The following MATN3 variants were observed in gnomAD, a reference collection of about 807,000 sequenced individuals.
MATN3 encodes the protein matrilin-3.
Under a neutral mutation model 45.3 loss-of-function variants are expected in MATN3, and 48 were observed. That is an observed-to-expected ratio of 1.06 (90% CI 0.84 to 1.35). The LOEUF (loss-of-function observed/expected upper bound fraction) is 1.35. Among genes scored for constraint, MATN3 ranks in the 40% most tolerant of loss-of-function variants. The pLI is 0.00. For missense variants in MATN3, 599 were observed against 628.0 expected (o/e 0.95, Z 0.49); for synonymous variants, 217 against 245.9 (o/e 0.88, Z 1.10).
chr2:20,006,862 C>A (rs1673116770), intron 1 of MATN3, among the ~76,000 whole-genome samples: 1 of 152,176 alleles, frequency 6.6e-6, no homozygotes, highest in South Asian at 2.1e-4. Flanking sequence ...TCCCTGAATT[C>A]TCCCTCCATC....
chr2:20,000,014 T>C (rs994747817), intron 5 of MATN3, among the ~76,000 whole-genome samples: 1 of 152,216 alleles, frequency 6.6e-6, no homozygotes, highest in Admixed American at 6.5e-5. Context: ...TCTTCTTTAC[T>C]AAAATCATCC....
At chr2:20,001,871 C>G in intron 4 of MATN3, 84 bp downstream of exon 4, 1 of 1,346,568 alleles carries the variant, frequency 7.4e-7, no homozygotes, top group Non-Finnish European at 1.0e-6. Context: ...CACCAACTTC[C>G]CAGTCAATGT....
At chr2:20,000,395 C>A in intron 5 of MATN3, 46 bp downstream of exon 5, 1 of 1,561,716 alleles carries the variant, frequency 6.4e-7, no homozygotes, top group South Asian at 1.2e-5. Context: ...AAGTTGGTTT[C>A]ATGTGAAAGA....
At position 20,003,147 on chromosome 2, in the gene MATN3, T is replaced by A. The variant is rs775554866; in HGVS notation, c.916+14A>T. 6.2e-7 allele frequency: 1 copy of A among 1,613,552 alleles called. No homozygotes were observed. Among genetic ancestry groups the A allele is most frequent in the Non-Finnish European group, 8.5e-7 (1 of 1,179,654 alleles). On this transcript the variant is annotated intron_variant, in intron 3 of 7. Transcript: ENST00000407540. Reference sequence around the variant, plus strand: ...AGTATTTGATTCAGTCACGGCCCCCTACACAGGCCTCACCTGAACACGTTT... The same window carrying A: ...AGTATTTGATTCAGTCACGGCCCCCAACACAGGCCTCACCTGAACACGTTT...
At chr2:20,002,693 G>A (rs1393303745) in intron 3 of MATN3, among the ~76,000 whole-genome samples, 1 of 152,000 alleles carries the variant, frequency 6.6e-6, no homozygotes, top group Non-Finnish European at 1.5e-5. Flanking sequence ...TCGACCTCCT[G>A]GTCTCAAACA....
intron 1 of MATN3, among the ~76,000 whole-genome samples, chr2:20,011,137 A>T (rs572137372): frequency 6.6e-6 from 1 of 152,254 alleles, no homozygotes; most frequent in Non-Finnish European, 1.5e-5. Context: ...GGAATCTCGC[A>T]TTTATTAATG....
Position 19,992,998 on chromosome 2 carries a change from C to T in MATN3, c.*113G>A. 2 of 819,892 alleles carry T rather than the reference C, an allele frequency of 2.4e-6. No individual in the cohort carries two copies. The highest frequency in any genetic ancestry group is 1.5e-5 in the South Asian group (1 of 68,136). The allele number at this position is 819,892 out of a possible 1,614,324, so 50.8% of individuals were successfully genotyped here. On this transcript the variant is annotated 3_prime_UTR_variant, in exon 8 of 8. Transcript: ENST00000407540. ...ATCCAGTAATATTCAAGCATTAATA[C>T]AGATAATGGCAAATTATTAGCAGGA...
At chr2:19,998,775 A>AATATATAT (rs1553326852) in intron 5 of MATN3, among the ~76,000 whole-genome samples, 1 of 150,914 alleles carries the variant, frequency 6.6e-6, no homozygotes, top group Non-Finnish European at 1.5e-5. Flanking sequence ...AAGAAAAAAA[A>AATATATAT]ATATATATAT....
chr2:19,993,073 C>T lies in MATN3; in HGVS notation c.*38G>A, dbSNP rs1172392885. On this transcript the variant is annotated 3_prime_UTR_variant, in exon 8 of 8. Coordinates refer to ENST00000407540, the MANE Select transcript of MATN3 (RefSeq NM_002381.5). ...AAGAATGCATGAGTATTAAGTACAC[C>T]AAGCTGTCCACATTTTCAGGTGAGA... 2 of 1,551,176 alleles carry T rather than the reference C, an allele frequency of 1.3e-6. No homozygotes were observed. Among genetic ancestry groups the T allele is most frequent in the Admixed American group, 1.7e-5 (1 of 59,800 alleles).
chr2:20,011,510 T>A (rs1207923517), intron 1 of MATN3, among the ~76,000 whole-genome samples: 2 of 152,236 alleles, frequency 1.3e-5, no homozygotes, highest in Non-Finnish European at 2.9e-5. Context: ...GATAGACAAT[T>A]GAAATCAGCC....
chr2:20,011,467 CCTT>C (rs1164762265), intron 1 of MATN3, among the ~76,000 whole-genome samples: 1 of 152,208 alleles, frequency 6.6e-6, no homozygotes, highest in African/African-American at 2.4e-5. Flanking sequence ...CCCTTGAGCT[CCTT>C]CTCAGCTTAT....
At position 19,994,565 on chromosome 2, in the gene MATN3, G is replaced by A. The variant is rs766245339; in HGVS notation, c.1295-156C>T. ...GGGATAGATGAACAAACAAAAAGAC[G>A]AGAAAATACTTATCACAGAAAAATT... On this transcript the variant is annotated intron_variant, in intron 6 of 7. Transcript: ENST00000407540. 2.9e-4 allele frequency among the ~76,000 whole-genome samples: 44 copies of A among 152,164 alleles called. 1 individual carries two copies. The highest frequency in any genetic ancestry group is 1.1e-3 in the African/African-American group (44 of 41,430).
At chr2:20,010,702 C>T (rs907510589) in intron 1 of MATN3, among the ~76,000 whole-genome samples, 4 of 152,196 alleles carry the variant, frequency 2.6e-5, no homozygotes, top group Non-Finnish European at 5.9e-5. Context: ...CTAGAGCCTC[C>T]CAAAAGGAAC....
In MATN3 at chr2:20,012,483, C is replaced by A; in HGVS notation, c.149G>T (p.Arg50Leu). Residue 50 changes from arginine (R) to leucine (L), a missense_variant, in exon 1 of 8, where the codon CGC becomes CTC. Transcript: ENST00000407540. The surrounding 1 kb of genome is among the most constrained non-coding windows in gnomAD (Gnocchi z 4.3). ...GTCGGGAGCCGCAGGAGAGGGGCGG[C>A]GTCCAGGGCTGCCCCCGGGACCTCG... The part of the protein sequence containing the change: ...ETRGPGGSPG[R>L]RPSPAAPDGA... 8.1e-7 allele frequency: 1 copy of A among 1,228,624 alleles called. No individual in the cohort carries two copies. The highest frequency in any genetic ancestry group is 1.0e-6 in the Non-Finnish European group (1 of 985,942). 76.1% of individuals were successfully genotyped at this position (1,228,624 alleles called of 1,614,324 possible).
chr2:20,012,660 G>C lies in MATN3; in HGVS notation c.-29C>G. The C allele has an allele frequency of 9.0e-7, 1 of 1,107,258 alleles. No homozygotes were observed. Among genetic ancestry groups the C allele is most frequent in the Non-Finnish European group, 1.1e-6 (1 of 879,456 alleles). 68.6% of individuals were successfully genotyped at this position (1,107,258 alleles called of 1,614,324 possible). On this transcript the variant is annotated 5_prime_UTR_variant, in exon 1 of 8. Coordinates refer to ENST00000407540, the MANE Select transcript of MATN3 (RefSeq NM_002381.5). The surrounding 1 kb of genome is among the most constrained non-coding windows in gnomAD (Gnocchi z 4.3). Reference sequence around the variant, plus strand: ...GGGCTCCGTGGGCCTGGTGGTGTCCGTCGGGGGCCAGGAGCCCACGCGAGG... The same window carrying C: ...GGGCTCCGTGGGCCTGGTGGTGTCCCTCGGGGGCCAGGAGCCCACGCGAGG...
intron 3 of MATN3, among the ~76,000 whole-genome samples, chr2:20,002,806 T>C (rs1484599556): frequency 6.6e-6 from 1 of 151,954 alleles, no homozygotes; most frequent in Non-Finnish European, 1.5e-5. Context: ...GGTCTCACCA[T>C]GTTCTCGAGG....
intron 5 of MATN3, among the ~76,000 whole-genome samples, chr2:19,999,626 TAAAAAA>T (rs56100312): frequency 0.19 from 23,167 of 120,146 alleles, 2,221 homozygotes; most frequent in Non-Finnish European, 0.24. Context: ...GGTTTCCCTT[TAAAAAA>T]AAAAAAAAAA....
chr2:20,010,724 G>A (rs373432407), intron 1 of MATN3, among the ~76,000 whole-genome samples: 6 of 152,278 alleles, frequency 3.9e-5, no homozygotes, highest in African/African-American at 1.2e-4. Flanking sequence ...CAGCCCTGCC[G>A]ACACCTTCAT....
At chr2:20,009,675 A>G (rs2103485733) in intron 1 of MATN3, among the ~76,000 whole-genome samples, 1 of 152,312 alleles carries the variant, frequency 6.6e-6, no homozygotes, top group Non-Finnish European at 1.5e-5. Flanking sequence ...AGATCTGAAT[A>G]GGAAACATTT....
Sources: gnomAD v4.1 joint callset for allele counts (sites outside exome capture counted in the v4.1 genomes callset) on GRCh38, gnomAD v4.1.1 for gene constraint, Gnocchi (gnomAD v3.1) non-coding constraint, MANE v1.5 for transcripts, NCBI Gene and HGNC (gene_info 2026-07-23, HGNC 2026-07-21) for gene names.